CYTH1: variants seen among roughly 807,000 people sequenced by gnomAD.
CYTH1 encodes cytohesin 1, also known as cytohesin-1.
Under a neutral mutation model 61.8 loss-of-function variants are expected in CYTH1, and 18 were observed. The ratio of observed to expected loss-of-function variants is 0.29; its 90% CI spans 0.20 to 0.43. CYTH1 has a LOEUF of 0.43. Among genes scored for constraint, CYTH1 ranks in the 20% least tolerant of loss-of-function variants. The pLI is 1.00. For missense variants in CYTH1, 336 were observed against 510.5 expected (o/e 0.66, Z 3.29); for synonymous variants, 174 against 184.3 (o/e 0.94, Z 0.45).
At chr17:78,752,091 G>A (rs888992306) in intron 1 of CYTH1, among the ~76,000 whole-genome samples, 9 of 152,124 alleles carry the variant, frequency 5.9e-5, no homozygotes, top group South Asian at 2.1e-4. Flanking sequence ...GGAAAGAAAC[G>A]GAGAAATTTA....
intron 1 of CYTH1, among the ~76,000 whole-genome samples, chr17:78,761,399 T>G (rs1413134601): frequency 1.3e-5 from 2 of 152,092 alleles, no homozygotes; most frequent in Non-Finnish European, 2.9e-5. Context: ...TACAGGGAAC[T>G]AAAAGCACTC....
rs201444680 is a variant in CYTH1, at chr17:78,768,024, C to T, written c.22+14178G>A. Among the ~76,000 whole-genome samples, 5 of 152,050 alleles carry T rather than the reference C, an allele frequency of 3.3e-5. No homozygotes were observed. The East Asian group carries it at 5.8e-4, about 18-fold the overall frequency. ...GAACAGACAAAATGAAATGTGAGAC[C>T]GATCGTCCTGGAGGTTTACAACACA... On this transcript the variant is annotated intron_variant, in intron 1 of 13. Coordinates refer to ENST00000446868, the MANE Select transcript of CYTH1 (RefSeq NM_004762.6).
chr17:78,770,467 G>A (rs2093466871), intron 1 of CYTH1, among the ~76,000 whole-genome samples: 1 of 151,888 alleles, frequency 6.6e-6, no homozygotes, highest in African/African-American at 2.4e-5. Context: ...CACCCAGGCG[G>A]GAGTGCAGTG....
At chr17:78,778,923 T>C (rs1401567649) in intron 1 of CYTH1, among the ~76,000 whole-genome samples, 1 of 152,208 alleles carries the variant, frequency 6.6e-6, no homozygotes, top group Non-Finnish European at 1.5e-5. Context: ...GTAAATTCTC[T>C]GTGAAACCTA....
intron 1 of CYTH1, among the ~76,000 whole-genome samples, chr17:78,720,397 C>T (rs2093217934): frequency 2.6e-5 from 4 of 152,200 alleles, no homozygotes; most frequent in Admixed American, 2.6e-4. Context: ...CAGCTCACTG[C>T]AACCTCTGCC....
At chr17:78,690,171 G>A (rs955112850) in intron 11 of CYTH1, among the ~76,000 whole-genome samples, 2 of 151,590 alleles carry the variant, frequency 1.3e-5, no homozygotes, top group South Asian at 2.1e-4. Flanking sequence ...TGAGATGGGC[G>A]GATCACAAGA....
chr17:78,756,946 C>A (rs2093403593), intron 1 of CYTH1, among the ~76,000 whole-genome samples: 1 of 150,410 alleles, frequency 6.6e-6, no homozygotes, highest in African/African-American at 2.5e-5. Flanking sequence ...TAAGATTATT[C>A]ACAAGGCGGA....
chr17:78,704,464 G>A (rs899975302), intron 3 of CYTH1, among the ~76,000 whole-genome samples: 2 of 152,146 alleles, frequency 1.3e-5, no homozygotes, highest in South Asian at 2.1e-4. Context: ...GTGTTCTCTA[G>A]CTAAATCCAT....
At chr17:78,768,507 A>G (rs1262798287) in intron 1 of CYTH1, among the ~76,000 whole-genome samples, 2 of 152,220 alleles carry the variant, frequency 1.3e-5, no homozygotes, top group Non-Finnish European at 1.5e-5. Flanking sequence ...CTCTCCAAGC[A>G]GTCATCCAAA....
chr17:78,726,481 T>C (rs764998055), intron 1 of CYTH1, among the ~76,000 whole-genome samples: 2 of 152,176 alleles, frequency 1.3e-5, no homozygotes, highest in Non-Finnish European at 2.9e-5. Context: ...CATGTGTTAC[T>C]ATTCCTTTTA....
intron 1 of CYTH1, among the ~76,000 whole-genome samples, chr17:78,731,685 G>A (rs541566417): frequency 1.9e-4 from 28 of 149,546 alleles, no homozygotes; most frequent in African/African-American, 6.6e-4. Flanking sequence ...GTGAACCCGG[G>A]AGGCGAAGCT....
At chr17:78,694,664 C>T (rs985688071) in intron 10 of CYTH1, among the ~76,000 whole-genome samples, 16 of 152,106 alleles carry the variant, frequency 1.1e-4, no homozygotes, top group Non-Finnish European at 2.2e-4. Context: ...CTCCCATGCG[C>T]TCCATCACAG....
chr17:78,715,454 C>A (rs934900023), intron 1 of CYTH1, among the ~76,000 whole-genome samples: 1 of 152,090 alleles, frequency 6.6e-6, no homozygotes, highest in Admixed American at 6.5e-5. Context: ...GGACAGCAAG[C>A]GCCATCAACT....
intron 1 of CYTH1, among the ~76,000 whole-genome samples, chr17:78,734,977 C>T (rs183441454): frequency 1.3e-3 from 203 of 152,220 alleles, no homozygotes; most frequent in Non-Finnish European, 2.3e-3. Context: ...CCTCCTTTTA[C>T]ACCTACCTAA....
At chr17:78,707,704 C>T (rs12936940) in intron 3 of CYTH1, among the ~76,000 whole-genome samples, 3,052 of 146,432 alleles carry the variant, frequency 0.021, 93 homozygotes, top group South Asian at 0.15. Context: ...TTTTTTGAGA[C>T]GGAGTCTCGC....
chr17:78,747,937 C>T (rs942409506), intron 1 of CYTH1, among the ~76,000 whole-genome samples: 1 of 152,138 alleles, frequency 6.6e-6, no homozygotes, highest in African/African-American at 2.4e-5. Flanking sequence ...ATTTTTGGCC[C>T]TTGAGCCCCT....
chr17:78,775,333 T>C (rs1026199454), intron 1 of CYTH1, among the ~76,000 whole-genome samples: 2 of 152,188 alleles, frequency 1.3e-5, no homozygotes, highest in African/African-American at 4.8e-5. Flanking sequence ...TTTTTCTTTT[T>C]ACCCCTGTCC....
At chr17:78,725,016 T>G (rs749485461) in intron 1 of CYTH1, among the ~76,000 whole-genome samples, 2 of 152,150 alleles carry the variant, frequency 1.3e-5, no homozygotes, top group Non-Finnish European at 2.9e-5. Flanking sequence ...AAATGTATAT[T>G]GAGAGTCCCA....
rs1411300390 is a variant in CYTH1 at position 78,675,115 on chromosome 17, GA to G, written c.*975del. The G allele has an allele frequency of 2.6e-5, 4 of 152,226 alleles. No individual in the cohort carries two copies. The highest frequency in any genetic ancestry group is 9.7e-5 in the African/African-American group (4 of 41,450). 9.4% of individuals were successfully genotyped at this position (152,226 alleles called of 1,614,324 possible). On this transcript the variant is annotated 3_prime_UTR_variant, in exon 14 of 14. Coordinates refer to ENST00000446868, the MANE Select transcript of CYTH1 (RefSeq NM_004762.6). ...AGGACTGGAGTCTGGGGAAGAGGAAGAAAACCCAAAATGAAACAGGTTATCC... is the reference window on the plus strand; with the variant it reads ...AGGACTGGAGTCTGGGGAAGAGGAAGAAACCCAAAATGAAACAGGTTATCC...
Sources: gnomAD v4.1 joint callset for allele counts (sites outside exome capture counted in the v4.1 genomes callset) on GRCh38, gnomAD v4.1.1 for gene constraint, MANE v1.5 for transcripts, NCBI Gene and HGNC (gene_info 2026-07-23, HGNC 2026-07-21) for gene names.